KANSL1L: variants seen among roughly 807,000 people sequenced by gnomAD.
The protein encoded by KANSL1L is KAT8 regulatory NSL complex subunit 1-like protein.
Under a neutral mutation model 108.6 loss-of-function variants are expected in KANSL1L, and 25 were observed. That is an observed-to-expected ratio of 0.23 (90% CI 0.17 to 0.32). The LOEUF is 0.32. Ranked by LOEUF, KANSL1L falls within the 10% of genes least tolerant of loss-of-function variation. The pLI, the probability that KANSL1L is intolerant of heterozygous loss-of-function variation, is 1.00. For missense variants in KANSL1L, 1,137 were observed against 1,125.7 expected, an observed-to-expected ratio of 1.01 and a Z score of -0.14; for synonymous variants, 405 against 395.1, an observed-to-expected ratio of 1.03 and a Z score of -0.30.
intron 10 of KANSL1L, chr2:210,029,262 A>C: frequency 3.7e-6 from 1 of 270,670 alleles, no homozygotes; most frequent in Non-Finnish European, 6.8e-6. Flanking sequence ...TCTTTATCAG[A>C]AAAGACCAAC....
intron 1 of KANSL1L, among the ~76,000 whole-genome samples, chr2:210,160,137 T>A (rs2095354266): frequency 6.6e-6 from 1 of 152,180 alleles, no homozygotes; most frequent in South Asian, 2.1e-4. Context: ...AAATTCAATA[T>A]CCATTCATGA....
intron 1 of KANSL1L, among the ~76,000 whole-genome samples, chr2:210,154,832 T>C (rs1025148916): frequency 2.0e-5 from 3 of 151,976 alleles, no homozygotes; most frequent in African/African-American, 7.3e-5. Flanking sequence ...TACACATTGC[T>C]AGCACATAAT....
At chr2:210,131,205 G>A (rs1191671943) in intron 2 of KANSL1L, among the ~76,000 whole-genome samples, 4 of 152,134 alleles carry the variant, frequency 2.6e-5, no homozygotes, top group African/African-American at 4.8e-5. Flanking sequence ...TCTGCTGTGT[G>A]AAACCATTGA....
At chr2:210,134,486 T>C (rs1199826752) in intron 2 of KANSL1L, among the ~76,000 whole-genome samples, 4 of 152,134 alleles carry the variant, frequency 2.6e-5, no homozygotes, top group Non-Finnish European at 4.4e-5. Flanking sequence ...ACTATGATTA[T>C]GTTGTTAATG....
At chr2:210,037,359 C>G (rs2094117753) in intron 8 of KANSL1L, among the ~76,000 whole-genome samples, 1 of 152,148 alleles carries the variant, frequency 6.6e-6, no homozygotes, top group South Asian at 2.1e-4. Flanking sequence ...TAGAGACATT[C>G]TTAAAATAAT....
intron 6 of KANSL1L, among the ~76,000 whole-genome samples, chr2:210,066,955 T>C (rs1378556593): frequency 6.6e-6 from 1 of 152,188 alleles, no homozygotes; most frequent in Non-Finnish European, 1.5e-5. Flanking sequence ...AGATTAACAT[T>C]TGAATCAGTT....
At chr2:210,172,332 G>T (rs1032708184), upstream of KANSL1L, among the ~76,000 whole-genome samples, 1 of 152,168 alleles carries the variant, frequency 6.6e-6, no homozygotes, top group African/African-American at 2.4e-5. Context: ...AGAGCACTAG[G>T]CTTTTTAAGC....
intron 2 of KANSL1L, among the ~76,000 whole-genome samples, chr2:210,141,732 T>C (rs2095230864): frequency 6.6e-6 from 1 of 152,182 alleles, no homozygotes; most frequent in African/African-American, 2.4e-5. Flanking sequence ...CCTTTATTGG[T>C]AGAGGTACAT....
intron 11 of KANSL1L, chr2:210,028,403 C>CTTTTTTT (rs397872290): frequency 9.3e-5 from 8 of 85,960 alleles, no homozygotes; most frequent in African/African-American, 1.3e-4. Context: ...GCATCAAAAT[C>CTTTTTTT]TTTTTTTTTT....
At chr2:210,127,210 T>G (rs929260498) in intron 3 of KANSL1L, among the ~76,000 whole-genome samples, 19 of 152,292 alleles carry the variant, frequency 1.2e-4, no homozygotes, top group African/African-American at 4.6e-4. Flanking sequence ...GGAAAAACAG[T>G]CTTTTCAACC....
chr2:210,124,352 G>C (rs1201330787), intron 3 of KANSL1L, among the ~76,000 whole-genome samples: 3 of 151,718 alleles, frequency 2.0e-5, no homozygotes, highest in Non-Finnish European at 4.4e-5. Flanking sequence ...ACAGAAAACT[G>C]GAAAATGCAC....
intron 1 of KANSL1L, among the ~76,000 whole-genome samples, chr2:210,164,870 T>C (rs1037700646): frequency 2.7e-5 from 4 of 148,038 alleles, no homozygotes; most frequent in African/African-American, 9.9e-5. Context: ...TTTTTTTTTG[T>C]TTTTTTTTGT....
chr2:210,102,604 T>C (rs2094805298), intron 4 of KANSL1L, among the ~76,000 whole-genome samples: 1 of 151,852 alleles, frequency 6.6e-6, no homozygotes, highest in Non-Finnish European at 1.5e-5. Context: ...TACAAAGAAC[T>C]CAAACAAATT....
chr2:210,165,095 G>A (rs1373734456), intron 1 of KANSL1L, among the ~76,000 whole-genome samples: 1 of 150,782 alleles, frequency 6.6e-6, no homozygotes, highest in Non-Finnish European at 1.5e-5. Context: ...TCGAACTCCT[G>A]ACCTCGTGAT....
At chr2:210,062,825 C>T (rs1444057295) in intron 6 of KANSL1L, among the ~76,000 whole-genome samples, 1 of 152,070 alleles carries the variant, frequency 6.6e-6, no homozygotes, top group African/African-American at 2.4e-5. Context: ...AGGGAAACAG[C>T]ATAAAATTTG....
intron 6 of KANSL1L, among the ~76,000 whole-genome samples, chr2:210,065,109 C>T (rs759995760): frequency 9.3e-5 from 14 of 151,200 alleles, no homozygotes; most frequent in East Asian, 3.9e-4. Context: ...GCATGGCCAA[C>T]GTGGTGAAAC....
intron 1 of KANSL1L, among the ~76,000 whole-genome samples, chr2:210,166,225 T>C (rs1331401241): frequency 2.0e-5 from 3 of 152,114 alleles, no homozygotes; most frequent in African/African-American, 7.2e-5. Context: ...TTAGCATTAA[T>C]TAAATGCAAT....
At chr2:210,083,411 A>G (rs551432871) in intron 5 of KANSL1L, among the ~76,000 whole-genome samples, 3 of 152,144 alleles carry the variant, frequency 2.0e-5, no homozygotes, top group Non-Finnish European at 2.9e-5. Context: ...TTCCAGTTGG[A>G]AGTCCTTTGA....
chr2:210,134,057 C>CT (rs1373183544), intron 2 of KANSL1L, among the ~76,000 whole-genome samples: 1 of 152,044 alleles, frequency 6.6e-6, no homozygotes, highest in Admixed American at 6.6e-5. Context: ...TTTAGACTGA[C>CT]TTTTTTTCCC....
Sources: allele counts gnomAD v4.1 joint callset (sites outside exome capture counted in the v4.1 genomes callset), GRCh38; gene constraint gnomAD v4.1.1; transcripts MANE v1.5; gene names NCBI Gene and HGNC (gene_info 2026-07-23, HGNC 2026-07-21).